The following HEATR4 variants were observed in gnomAD, a reference collection of about 807,000 sequenced individuals.
The protein encoded by HEATR4 is HEAT repeat-containing protein 4.
A neutral mutation model predicts 108.8 loss-of-function variants in HEATR4; 95 were observed. That is an observed-to-expected ratio of 0.87 (90% CI 0.74 to 1.04). HEATR4 has a LOEUF of 1.04. Among genes scored for constraint, HEATR4 ranks in the 50% least tolerant of loss-of-function variants. The probability of loss-of-function intolerance (pLI) is 0.00; values close to 1 mark genes in which losing one functional copy is unlikely to be tolerated. For missense variants in HEATR4, 1,152 were observed against 1,253.8 expected (o/e 0.92, Z 1.23); for synonymous variants, 443 against 459.4 (o/e 0.96, Z 0.46).
the HEATR4 span, chr14:73,619,154 A>C: frequency 4.7e-6 from 7 of 1,477,994 alleles, no homozygotes; most frequent in Non-Finnish European, 6.3e-6. Context: ...AGAGAAAGCT[A>C]CTTGGAGAAT....
chr14:73,591,914 A>ACGGGTCT, the HEATR4 span: 38 of 1,344,138 alleles, frequency 2.8e-5, no homozygotes, highest in Non-Finnish European at 3.5e-5. Context: ...ACGATCTTGG[A>ACGGGTCT]CGGGTCTCGG....
At chr14:73,532,607 A>G (rs1317091907) in intron 1 of HEATR4, among the ~76,000 whole-genome samples, 2 of 115,252 alleles carry the variant, frequency 1.7e-5, no homozygotes, top group African/African-American at 5.7e-5. Context: ...CTCAAGCTGC[A>G]CTCAGATGGT....
rs1482310554 is a variant in HEATR4 at position 73,512,001 on chromosome 14, C to T, written c.1558+5G>A. On this transcript the variant is annotated splice_donor_5th_base_variant and intron_variant, in intron 7 of 17. Transcript: ENST00000553558. ...GTTCTCAAGCAGTTCAGCTTTGGCT[C>T]TCACCTGAGTCTCTCTGGCTGGTGG... 1 of 1,613,864 alleles carries T rather than the reference C, an allele frequency of 6.2e-7. No homozygotes were observed. Among genetic ancestry groups the T allele is most frequent in the Admixed American group, 1.7e-5 (1 of 60,008 alleles).
At chr14:73,518,913 G>A in intron 5 of HEATR4, 110 bp downstream of exon 5, 1 of 1,055,704 alleles carries the variant, frequency 9.5e-7, no homozygotes, top group Non-Finnish European at 1.4e-6. Context: ...GATGCTAATG[G>A]TGCTTCAGCC....
At chr14:73,633,713 G>T in the HEATR4 span, 1 of 152,140 alleles carries the variant, frequency 6.6e-6, no homozygotes, top group African/African-American at 2.4e-5. Flanking sequence ...ACTCGCGAGG[G>T]GATCCTACCT....
At chr14:73,592,980 C>A in the HEATR4 span, among the ~76,000 whole-genome samples, 1 of 152,224 alleles carries the variant, frequency 6.6e-6, no homozygotes, top group African/African-American at 2.4e-5. Context: ...GATGAAAAAA[C>A]AGGTTCAGGT....
the HEATR4 span, among the ~76,000 whole-genome samples, chr14:73,565,626 T>G: frequency 6.6e-6 from 1 of 151,926 alleles, no homozygotes; most frequent in Non-Finnish European, 1.5e-5. Context: ...GGGTTCATGG[T>G]CTCGCTGGCT....
At chr14:73,565,394 T>C in the HEATR4 span, among the ~76,000 whole-genome samples, 14 of 151,358 alleles carry the variant, frequency 9.2e-5, no homozygotes, top group African/African-American at 2.9e-4. Context: ...TTTCCTTTTT[T>C]TTTTTTTTTT....
At chr14:73,556,497 G>A (rs1889397762) in intron 1 of HEATR4, among the ~76,000 whole-genome samples, 1 of 113,766 alleles carries the variant, frequency 8.8e-6, no homozygotes, top group African/African-American at 2.8e-5. Context: ...AAGAAGGAAG[G>A]GAACACATGA....
chr14:73,529,436 T>TAGAA (rs1192436157), intron 2 of HEATR4, among the ~76,000 whole-genome samples: 1 of 151,730 alleles, frequency 6.6e-6, no homozygotes, highest in African/African-American at 2.4e-5. Flanking sequence ...CCACCAGCAT[T>TAGAA]ATCTGCATTT....
the HEATR4 span, among the ~76,000 whole-genome samples, chr14:73,598,233 A>AAAAAAAAAC: frequency 6.8e-6 from 1 of 147,154 alleles, no homozygotes; most frequent in Non-Finnish European, 1.5e-5. Flanking sequence ...AAAAAAAAAA[A>AAAAAAAAAC]AAAAAACATA....
chr14:73,577,235 G>A, the HEATR4 span, among the ~76,000 whole-genome samples: 6 of 149,154 alleles, frequency 4.0e-5, no homozygotes, highest in South Asian at 2.2e-4. Context: ...GCCAGCTTCC[G>A]GCACCTTTTT....
intron 7 of HEATR4, among the ~76,000 whole-genome samples, chr14:73,509,846 A>ATT (rs1887108834): frequency 1.7e-4 from 11 of 65,544 alleles, no homozygotes; most frequent in African/African-American, 5.8e-4. Context: ...ATATATATAT[A>ATT]TATATATATA....
chr14:73,607,659 T>C, the HEATR4 span, among the ~76,000 whole-genome samples: 1 of 152,124 alleles, frequency 6.6e-6, no homozygotes, highest in African/African-American at 2.4e-5. Context: ...CTTTCGCTCT[T>C]GTCACCCAGG....
Position 73,535,761 on chromosome 14 carries a change from G to A in HEATR4, c.-151-5517C>T, listed in dbSNP as rs1317184268. Among the ~76,000 whole-genome samples, 2 of 113,786 alleles carry A rather than the reference G, an allele frequency of 1.8e-5. 1 individual carries two copies. Among genetic ancestry groups the A allele is most frequent in the East Asian group, 1.4e-3 (2 of 1,438 alleles). The allele number at this position is 113,786 out of a possible 152,430, so 74.6% of individuals were successfully genotyped here. A position where few individuals can be genotyped will look rare whatever the true frequency, so the allele number is the denominator to read the frequency against. ...CCCAAAGTGCTGGGATTACAGGCGC[G>A]AGCCACCGCGCCTGGCCCCTTTTTC... On this transcript the variant is annotated intron_variant, in intron 1 of 17. Transcript: ENST00000553558.
chr14:73,481,789 G>A (rs954135188), intron 17 of HEATR4, among the ~76,000 whole-genome samples: 3 of 152,076 alleles, frequency 2.0e-5, no homozygotes, highest in African/African-American at 7.2e-5. Context: ...AGCTTGCAGT[G>A]AGCCAAGATC....
At position 73,542,665 on chromosome 14, in the gene HEATR4, C is replaced by G. The variant is rs541643278; in HGVS notation, c.-151-12421G>C. On this transcript the variant is annotated intron_variant, in intron 1 of 17. Transcript: ENST00000553558. The stretch of plus-strand genomic sequence containing the variant: ...AAATGATCCACCCGCCTCAGCCTCC[C>G]AAACTGTTGGGATTACAGGCGTCAG... Among the ~76,000 whole-genome samples the G allele has an allele frequency of 3.6e-5, 4 of 111,504 alleles. 1 individual carries two copies. The highest frequency in any genetic ancestry group is 1.2e-4 in the African/African-American group (4 of 32,962). 73.2% of individuals were successfully genotyped at this position (111,504 alleles called of 152,430 possible).
chr14:73,612,521 C>G, the HEATR4 span: 2 of 1,173,930 alleles, frequency 1.7e-6, no homozygotes, highest in Non-Finnish European at 2.2e-6. Flanking sequence ...GCCGCCAGGC[C>G]CGCCCACTGA....
At chr14:73,496,702 T>TAG in intron 14 of HEATR4, 23 bp from the exon 15 acceptor site, 1 of 1,275,446 alleles carries the variant, frequency 7.8e-7, no homozygotes. Flanking sequence ...AAGGGCTTCT[T>TAG]AGATTATTCT....
Sources: gnomAD v4.1 joint callset for allele counts (sites outside exome capture counted in the v4.1 genomes callset) on GRCh38, gnomAD v4.1.1 for gene constraint, MANE v1.5 for transcripts, NCBI Gene and HGNC (gene_info 2026-07-23, HGNC 2026-07-21) for gene names.